ZNF239: variants seen among roughly 807,000 people sequenced by gnomAD.
The protein encoded by ZNF239 is zinc finger protein (C2H2) homologous to mouse MOK-2.
In ZNF239, 16 loss-of-function variants were observed where a neutral mutation model predicts 27.5. That is an observed-to-expected ratio of 0.58 (90% CI 0.39 to 0.88). ZNF239 has a LOEUF of 0.88. ZNF239 is among the 40% of genes least tolerant of loss of function. ZNF239 has a pLI of 0.00. For missense variants in ZNF239, 527 were observed against 551.9 expected (o/e 0.95, Z 0.45); for synonymous variants, 199 against 192.6 (o/e 1.03, Z -0.27).
chr10:43,566,322 G>A (rs1187730140), intron 3 of ZNF239, among the ~76,000 whole-genome samples: 1 of 151,606 alleles, frequency 6.6e-6, no homozygotes, highest in Non-Finnish European at 1.5e-5. Flanking sequence ...AGGGTCTCAC[G>A]GTCACCAGGG....
At position 43,557,292 on chromosome 10, in the gene ZNF239, T is replaced by A. The variant is rs370065981; in HGVS notation, c.788A>T (p.Tyr263Phe). ...HQAVHTDEKP[Y>F]KCDKCGKGFT... The stretch of plus-strand genomic sequence containing the variant: ...GCCCTTCCCACACTTGTCACACTTA[T>A]AAGGCTTCTCATCTGTGTGGACTGC... The change falls in exon 4 of 4, where the codon TAT becomes TTT. Residue 263 changes from tyrosine to phenylalanine, a missense_variant. Physicochemically the swap from Tyr to Phe is conservative, Grantham distance 22 (BLOSUM62 3). Transcript: ENST00000374446. The A allele has an allele frequency of 6.2e-7, 1 of 1,614,164 alleles. No individual in the cohort carries two copies. Among genetic ancestry groups the A allele is most frequent in the Non-Finnish European group, 8.5e-7 (1 of 1,180,000 alleles).
At chr10:43,568,532 ATGCTTTC>A (rs1564467009) in intron 2 of ZNF239, 1 of 893,024 alleles carries the variant, frequency 1.1e-6, no homozygotes, top group Admixed American at 6.2e-5. Context: ...ATCACTTCCT[ATGCTTTC>A]TGTTCTTCCT....
intron 2 of ZNF239, among the ~76,000 whole-genome samples, chr10:43,572,107 G>A (rs1018676814): frequency 4.6e-5 from 7 of 152,166 alleles, no homozygotes; most frequent in African/African-American, 1.7e-4. Context: ...AGGACAATGT[G>A]TGGTACATAG....
chr10:43,563,579 C>T (rs887765813), intron 3 of ZNF239, among the ~76,000 whole-genome samples: 2 of 152,140 alleles, frequency 1.3e-5, no homozygotes. Flanking sequence ...GTTTTTGAGA[C>T]TTTTATGTCT....
chr10:43,565,811 T>C, intron 3 of ZNF239, among the ~76,000 whole-genome samples: 1 of 66,810 alleles, frequency 1.5e-5, no homozygotes, highest in African/African-American at 6.4e-5. Flanking sequence ...CAAGACTCCA[T>C]CTCAAGAAAA....
rs140593947 is a variant in ZNF239 at position 43,569,784 on chromosome 10, G to A, written c.-215-1763C>T. On this transcript the variant is annotated intron_variant, in intron 2 of 3. Coordinates refer to ENST00000374446, the MANE Select transcript of ZNF239 (RefSeq NM_001099282.2). Reference sequence around the variant, plus strand: ...GAGATTTAAATTCCCCAAGAATAGAGAGGCTGCCTCATTTGTTCATGACTG... The same window carrying A: ...GAGATTTAAATTCCCCAAGAATAGAAAGGCTGCCTCATTTGTTCATGACTG... 1.5e-4 allele frequency among the ~76,000 whole-genome samples: 23 copies of A among 152,098 alleles called. No homozygotes were observed. The East Asian group carries it at 4.4e-3, about 29-fold the overall frequency.
At chr10:43,565,350 C>T (rs759073318) in intron 3 of ZNF239, among the ~76,000 whole-genome samples, 10 of 152,172 alleles carry the variant, frequency 6.6e-5, no homozygotes, top group Non-Finnish European at 1.2e-4. Flanking sequence ...TCCCAAAGTG[C>T]TGGGATTATA....
Position 43,560,105 on chromosome 10 carries a change from A to T in ZNF239, c.-92-1934T>A, listed in dbSNP as rs531199190. ...TGTGCTAGTTTTTGCTGTTAGCAGC[A>T]CTCTCCCAGCCCACCCTCTTCCTCT... On this transcript the variant is annotated intron_variant, in intron 3 of 3. Transcript: ENST00000374446. 1.1e-4 allele frequency among the ~76,000 whole-genome samples: 17 copies of T among 152,294 alleles called. No individual in the cohort carries two copies. The South Asian group carries it at 3.5e-3, about 32-fold the overall frequency.
chr10:43,564,410 C>T (rs888943018), intron 3 of ZNF239: 11 of 302,198 alleles, frequency 3.6e-5, no homozygotes, highest in African/African-American at 1.1e-4. Context: ...CTATTTTAAG[C>T]GTTAAACAGA....
chr10:43,572,135 G>C (rs993628974), intron 2 of ZNF239, among the ~76,000 whole-genome samples: 3 of 152,120 alleles, frequency 2.0e-5, no homozygotes, highest in Admixed American at 2.0e-4. Flanking sequence ...ACAATGCTTG[G>C]AATGAAGTCC....
At chr10:43,560,474 G>T (rs1837144606) in intron 3 of ZNF239, among the ~76,000 whole-genome samples, 1 of 151,976 alleles carries the variant, frequency 6.6e-6, no homozygotes, top group Non-Finnish European at 1.5e-5. Flanking sequence ...CACTGTGCAG[G>T]GGAGTACAGG....
chr10:43,569,303 T>A (rs1384923211), intron 2 of ZNF239, among the ~76,000 whole-genome samples: 1 of 152,176 alleles, frequency 6.6e-6, no homozygotes, highest in Non-Finnish European at 1.5e-5. Context: ...TCCTGGTTGG[T>A]CTGACTCTAC....
chr10:43,565,594 G>C (rs1050999357), intron 3 of ZNF239, among the ~76,000 whole-genome samples: 3 of 151,898 alleles, frequency 2.0e-5, no homozygotes, highest in South Asian at 4.2e-4. Flanking sequence ...TTAGAAAAAA[G>C]ACAGAAGCCA....
intron 2 of ZNF239, chr10:43,570,606 A>ATCCTCCTTC: frequency 1.0e-6 from 1 of 984,986 alleles, no homozygotes; most frequent in Non-Finnish European, 1.2e-6. Context: ...GGATTGTCTA[A>ATCCTCCTTC]TCCTCCTTCT....
In ZNF239 at chr10:43,557,230, C is replaced by T. The variant is rs200194724; in HGVS notation, c.850G>A (p.Val284Ile). The T allele has an allele frequency of 8.7e-6, 14 of 1,613,930 alleles. No homozygotes were observed. In the East Asian group the frequency reaches 1.1e-4, roughly 13 times the overall value. The change falls in exon 4 of 4, where the codon GTC becomes ATC. Residue 284 changes from valine to isoleucine, a missense_variant. Transcript: ENST00000374446. ...TTATAAGGTTTTTCGCCTGTATGGACGGCATGATGGATGAGCAGACTTGAG... is the reference window on the plus strand; with the variant it reads ...TTATAAGGTTTTTCGCCTGTATGGATGGCATGATGGATGAGCAGACTTGAG... ...RSSSLLIHHA[V>I]HTGEKPYKCD...
At chr10:43,564,596 T>C (rs964187002) in intron 3 of ZNF239, among the ~76,000 whole-genome samples, 1 of 151,994 alleles carries the variant, frequency 6.6e-6, no homozygotes, top group Non-Finnish European at 1.5e-5. Flanking sequence ...GGCTGGAGAA[T>C]TTTGCTCTCT....
intron 3 of ZNF239, among the ~76,000 whole-genome samples, chr10:43,566,170 C>G (rs1564464548): frequency 6.6e-6 from 1 of 152,180 alleles, no homozygotes; most frequent in Non-Finnish European, 1.5e-5. Context: ...ATTCTCTTTA[C>G]TCCCCAGGAT....
chr10:43,568,825 G>A (rs1339754659), intron 2 of ZNF239, among the ~76,000 whole-genome samples: 2 of 152,052 alleles, frequency 1.3e-5, no homozygotes, highest in African/African-American at 2.4e-5. Flanking sequence ...CGAGGTGGGC[G>A]GATCACTTGA....
intron 3 of ZNF239, among the ~76,000 whole-genome samples, chr10:43,566,584 C>A (rs1837666636): frequency 6.6e-6 from 1 of 152,206 alleles, no homozygotes; most frequent in Admixed American, 6.5e-5. Context: ...CTGTGCCCAG[C>A]CACTTTTCAG....
Sources: gnomAD v4.1 joint callset for allele counts (sites outside exome capture counted in the v4.1 genomes callset) on GRCh38, gnomAD v4.1.1 for gene constraint, MANE v1.5 for transcripts, NCBI Gene and HGNC (gene_info 2026-07-23, HGNC 2026-07-21) for gene names.